Variants in VKORC1L1 observed in about 807,000 individuals in gnomAD.
VKORC1L1 encodes the protein vitamin K epoxide reductase complex subunit 1L1.
In VKORC1L1, 2 loss-of-function variants were observed where a neutral mutation model predicts 18.9. That is an observed-to-expected ratio of 0.11 (90% CI 0.04 to 0.33). The LOEUF is 0.33. Ranked by LOEUF, VKORC1L1 falls within the 10% of genes least tolerant of loss-of-function variation. VKORC1L1 has a pLI of 1.00. For missense variants in VKORC1L1, 123 were observed against 224.1 expected, an observed-to-expected ratio of 0.55 and a Z score of 2.88; for synonymous variants, 96 against 100.0, an observed-to-expected ratio of 0.96 and a Z score of 0.24.
chr7:65,920,474 G>T (rs1451810130), intron 1 of VKORC1L1, among the ~76,000 whole-genome samples: 1 of 152,146 alleles, frequency 6.6e-6, no homozygotes, highest in Non-Finnish European at 1.5e-5. Flanking sequence ...ACTGGTATAG[G>T]AGACACCGTT....
chr7:65,893,719 T>C (rs1195866481), intron 1 of VKORC1L1, among the ~76,000 whole-genome samples: 2 of 152,244 alleles, frequency 1.3e-5, no homozygotes, highest in South Asian at 2.1e-4. Context: ...ATAGGTATAA[T>C]GCATGTTAAC....
At chr7:65,943,092 G>A (rs1184034189) in intron 1 of VKORC1L1, among the ~76,000 whole-genome samples, 2 of 152,122 alleles carry the variant, frequency 1.3e-5, no homozygotes, top group East Asian at 3.9e-4. Flanking sequence ...AGCATACAGT[G>A]CTAGATGATC....
In VKORC1L1 at chr7:65,954,096, G is replaced by A. The variant is rs377544163; in HGVS notation, c.327G>A (p.Ala109=). 1.5e-5 allele frequency: 24 copies of A among 1,600,500 alleles called. No individual in the cohort carries two copies. The highest frequency in any genetic ancestry group is 9.9e-5 in the South Asian group (9 of 90,752). Residue 109 remains alanine, a synonymous_variant, in exon 3 of 3, where the codon GCG becomes GCA. Transcript: ENST00000360768. ...CAGGCATGACAGCAAGCGCTGTGGC[G>A]GCTTTGATCCTCATGACGTCCTCCA... ...LLLGMTASAV[A]ALILMTSSIM... is the part of the protein sequence containing the mutation.
chr7:65,952,778 C>CTTTTTTTTT (rs11395208), intron 2 of VKORC1L1, among the ~76,000 whole-genome samples: 5 of 86,606 alleles, frequency 5.8e-5, no homozygotes, highest in African/African-American at 9.3e-5. Flanking sequence ...TTTTTTTTTC[C>CTTTTTTTTT]TTTTTTTTTT....
intron 1 of VKORC1L1, among the ~76,000 whole-genome samples, chr7:65,940,642 T>G (rs1433685084): frequency 6.6e-6 from 1 of 152,186 alleles, no homozygotes; most frequent in Admixed American, 6.5e-5. Flanking sequence ...GAGAGATGTC[T>G]TCAGAGAAAG....
rs2116311096 is a variant in VKORC1L1 at position 65,873,083 on chromosome 7, C to G, written c.-289C>G. Among the ~76,000 whole-genome samples, 1 of 149,088 alleles carries G rather than the reference C, an allele frequency of 6.7e-6. No homozygotes were observed. The highest frequency in any genetic ancestry group is 1.5e-5 in the Non-Finnish European group (1 of 66,596). ...AGCGCCACGCCGCCTCAGTCTCCGC[C>G]CGCCGATCCGGCCTCTTCGGCCGTT... On this transcript the variant is annotated 5_prime_UTR_variant, in exon 1 of 3. Coordinates refer to ENST00000360768, the MANE Select transcript of VKORC1L1 (RefSeq NM_173517.6).
At chr7:65,952,815 A>G (rs1411857609) in intron 2 of VKORC1L1, among the ~76,000 whole-genome samples, 1 of 117,946 alleles carries the variant, frequency 8.5e-6, no homozygotes, top group Non-Finnish European at 1.6e-5. Flanking sequence ...GACAGAGTTA[A>G]GACTCTGTCG....
intron 1 of VKORC1L1, among the ~76,000 whole-genome samples, chr7:65,941,581 G>C (rs752218144): frequency 2.6e-5 from 4 of 151,594 alleles, no homozygotes; most frequent in Non-Finnish European, 5.9e-5. Flanking sequence ...GACCCCAGGA[G>C]AGTGGTTATT....
chr7:65,950,045 AGCTCC>A (rs1217009977), intron 2 of VKORC1L1, among the ~76,000 whole-genome samples: 2 of 152,140 alleles, frequency 1.3e-5, no homozygotes, highest in Non-Finnish European at 2.9e-5. Flanking sequence ...GTTTCCCTGA[AGCTCC>A]AGCGGTCTTT....
At position 65,953,183 on chromosome 7, in the gene VKORC1L1, G is replaced by A. The variant is rs1219249509; in HGVS notation, c.305-891G>A. Among the ~76,000 whole-genome samples, 6 of 152,146 alleles carry A rather than the reference G, an allele frequency of 3.9e-5. No homozygotes were observed. The East Asian group carries it at 5.8e-4, about 15-fold the overall frequency. ...CAGGTTTGACCCACATGCAGCCAAC[G>A]GGCAAAATGTGGTTTCCCTTATCCA... On this transcript the variant is annotated intron_variant, in intron 2 of 2. Coordinates refer to ENST00000360768, the MANE Select transcript of VKORC1L1 (RefSeq NM_173517.6).
At chr7:65,948,250 C>G (rs1318198637) in intron 1 of VKORC1L1, among the ~76,000 whole-genome samples, 2 of 151,806 alleles carry the variant, frequency 1.3e-5, no homozygotes, top group Non-Finnish European at 2.9e-5. Flanking sequence ...ATGTAATGCA[C>G]AGAACACCCC....
intron 1 of VKORC1L1, among the ~76,000 whole-genome samples, chr7:65,877,499 C>G (rs1583819016): frequency 2.0e-5 from 3 of 152,252 alleles, no homozygotes; most frequent in South Asian, 4.2e-4. Context: ...AGGTGCCCAC[C>G]ACCATGCCCG....
At chr7:65,894,246 C>T (rs35283677) in intron 1 of VKORC1L1, among the ~76,000 whole-genome samples, 16,960 of 150,988 alleles carry the variant, frequency 0.11, 1,096 homozygotes, top group Middle Eastern at 0.2. Flanking sequence ...TGAGCCACTG[C>T]GCCCAGCCAA....
intron 1 of VKORC1L1, among the ~76,000 whole-genome samples, chr7:65,892,765 A>G (rs571344503): frequency 6.6e-6 from 1 of 152,278 alleles, no homozygotes; most frequent in East Asian, 1.9e-4. Context: ...TTGTAGAGCT[A>G]CCTTGGTCAT....
upstream of VKORC1L1, among the ~76,000 whole-genome samples, chr7:65,869,495 T>C (rs187683508): frequency 2.3e-3 from 345 of 152,002 alleles, 1 homozygote; most frequent in Non-Finnish European, 3.6e-3. Context: ...TGTGGCGGCT[T>C]TGGGGAGTGG....
intron 1 of VKORC1L1, among the ~76,000 whole-genome samples, chr7:65,910,674 G>A (rs1447718537): frequency 2.0e-5 from 3 of 146,432 alleles, no homozygotes; most frequent in South Asian, 4.3e-4. Flanking sequence ...CACTTTGCAA[G>A]TTTTTTTTTT....
chr7:65,886,433 A>G (rs991571022), intron 1 of VKORC1L1, among the ~76,000 whole-genome samples: 2 of 152,202 alleles, frequency 1.3e-5, no homozygotes, highest in Admixed American at 1.3e-4. Context: ...TATTTTTTCA[A>G]AAAACCTCTT....
chr7:65,942,144 G>A (rs770164714), intron 1 of VKORC1L1, among the ~76,000 whole-genome samples: 4 of 152,126 alleles, frequency 2.6e-5, no homozygotes, highest in African/African-American at 7.2e-5. Context: ...GTAATCTTGG[G>A]ACCAGAGGAT....
intron 1 of VKORC1L1, among the ~76,000 whole-genome samples, chr7:65,920,106 G>A (rs113400897): frequency 1.6e-4 from 24 of 151,806 alleles, no homozygotes; most frequent in African/African-American, 4.8e-4. Context: ...CCTCACACCC[G>A]CCGGGCATGC....
Sources: gnomAD v4.1 joint callset for allele counts (sites outside exome capture counted in the v4.1 genomes callset) on GRCh38, gnomAD v4.1.1 for gene constraint, MANE v1.5 for transcripts, NCBI Gene and HGNC (gene_info 2026-07-23, HGNC 2026-07-21) for gene names.